The following VRK3 variants were observed in gnomAD, a reference collection of about 807,000 sequenced individuals.
The protein encoded by VRK3 is VRK serine/threonine kinase 3, also known as serine/threonine-protein kinase VRK3.
Under a neutral mutation model 60.4 loss-of-function variants are expected in VRK3, and 50 were observed. That is an observed-to-expected ratio of 0.83 (90% confidence interval 0.66 to 1.05). The LOEUF is 1.05. Ranked by LOEUF, VRK3 falls within the 50% of genes least tolerant of loss-of-function variation. The pLI is 0.00. For synonymous variants in VRK3, 246 were observed against 227.8 expected, an observed-to-expected ratio of 1.08 and a Z score of -0.72; for missense variants, 549 against 585.3, an observed-to-expected ratio of 0.94 and a Z score of 0.64.
intron 1 of VRK3, among the ~76,000 whole-genome samples, chr19:50,022,314 C>T (rs1719511588): frequency 6.6e-6 from 1 of 152,210 alleles, no homozygotes; most frequent in African/African-American, 2.4e-5. Context: ...ATGTGCCACC[C>T]CCGGTTCTGA....
At chr19:49,981,550 C>CAA (rs34334801) in intron 12 of VRK3, 52,425 of 448,138 alleles carry the variant, frequency 0.12, 3,588 homozygotes, top group East Asian at 0.34. Context: ...GTCTCAAAAA[C>CAA]AAAACAAAAC....
At chr19:50,014,362 C>G (rs574417670) in intron 3 of VRK3, among the ~76,000 whole-genome samples, 8 of 152,002 alleles carry the variant, frequency 5.3e-5, no homozygotes, top group African/African-American at 1.4e-4. Flanking sequence ...AATTTGAGAC[C>G]AGCCGGCCAA....
At chr19:49,995,787 C>T (rs181470356) in intron 7 of VRK3, among the ~76,000 whole-genome samples, 29 of 152,218 alleles carry the variant, frequency 1.9e-4, no homozygotes, top group African/African-American at 6.7e-4. Flanking sequence ...TTTGCTCTGT[C>T]GCCCTGGATG....
chr19:49,979,363 A>C lies in VRK3; in HGVS notation c.1277-121T>G, dbSNP rs1023966930. The C allele has an allele frequency of 1.3e-5, 18 of 1,393,772 alleles. No individual in the cohort carries two copies. The African/African-American group carries it at 2.5e-4, about 19-fold the overall frequency. The allele number at this position is 1,393,772 out of a possible 1,614,324, so 86.3% of individuals were successfully genotyped here. On this transcript the variant is annotated intron_variant, in intron 13 of 14. Transcript: ENST00000316763. ...CTGAGGGGCATGAGGGTCTCAGCAAAAGTGCCCATTTTCTTGTTGCCTGGC... is the reference window on the plus strand; with the variant it reads ...CTGAGGGGCATGAGGGTCTCAGCAACAGTGCCCATTTTCTTGTTGCCTGGC...
chr19:50,024,812 A>C (rs1433671446), intron 1 of VRK3: 1 of 152,254 alleles, frequency 6.6e-6, no homozygotes, highest in African/African-American at 2.4e-5. Context: ...GACTTATTCA[A>C]CAAATGTTTA....
At chr19:50,003,964 G>A (rs921894700) in intron 5 of VRK3, among the ~76,000 whole-genome samples, 1 of 152,244 alleles carries the variant, frequency 6.6e-6, no homozygotes, top group Non-Finnish European at 1.5e-5. Flanking sequence ...ACTTTGGGAG[G>A]CAGAGGCAGG....
At chr19:50,008,312 G>A (rs955636043) in intron 4 of VRK3, among the ~76,000 whole-genome samples, 4 of 152,020 alleles carry the variant, frequency 2.6e-5, no homozygotes, top group African/African-American at 9.7e-5. Context: ...CCAAAGCCCT[G>A]CCCTAGAAGG....
chr19:50,005,711 C>G (rs531525905), intron 5 of VRK3, among the ~76,000 whole-genome samples: 1 of 149,704 alleles, frequency 6.7e-6, no homozygotes, highest in Non-Finnish European at 1.5e-5. Context: ...GCGGCAGTGA[C>G]GCGCCACAGC....
intron 6 of VRK3, 102 bp downstream of exon 6, chr19:50,000,688 C>T: frequency 1.4e-6 from 2 of 1,405,634 alleles, no homozygotes; most frequent in Non-Finnish European, 2.0e-6. Flanking sequence ...GACCCTGGCC[C>T]CCGGCCGAGC....
rs1438353789 is a variant in VRK3 at position 50,009,346 on chromosome 19, G to C, written c.179C>G (p.Pro60Arg). 1 of 1,613,996 alleles carries C rather than the reference G, an allele frequency of 6.2e-7. No homozygotes were observed. Among genetic ancestry groups the C allele is most frequent in the Non-Finnish European group, 8.5e-7 (1 of 1,179,986 alleles). The change falls in exon 4 of 15, where the codon CCT becomes CGT. Residue 60 changes from proline (P) to arginine (R), a missense_variant. Pro to Arg is a moderately radical substitution (Grantham distance 103). Transcript: ENST00000316763. The part of the protein sequence containing the change: ...RGLNSSFETS[P>R]KKVKWSSTVT... ...GGTGCTGGACCATTTCACTTTCTTA[G>C]GAGAGGTTTCAAAACTGGAGTTCAG...
chr19:50,007,017 C>T (rs1263709739), intron 5 of VRK3, among the ~76,000 whole-genome samples: 2 of 152,152 alleles, frequency 1.3e-5, no homozygotes, highest in African/African-American at 4.8e-5. Flanking sequence ...CAGCCCCACC[C>T]CCAAGCACGA....
intron 3 of VRK3, among the ~76,000 whole-genome samples, chr19:50,014,590 A>G (rs1347134031): frequency 6.6e-6 from 1 of 150,606 alleles, no homozygotes; most frequent in Non-Finnish European, 1.5e-5. Flanking sequence ...AACAAAAACA[A>G]CTAAAAACAA....
chr19:50,011,013 T>C (rs1019186009), intron 3 of VRK3, among the ~76,000 whole-genome samples: 2 of 152,178 alleles, frequency 1.3e-5, no homozygotes, highest in Non-Finnish European at 2.9e-5. Flanking sequence ...GCGACAAATG[T>C]CTCCACCAAT....
chr19:50,021,502 T>G (rs1470347481), intron 1 of VRK3, among the ~76,000 whole-genome samples: 1 of 152,170 alleles, frequency 6.6e-6, no homozygotes, highest in Non-Finnish European at 1.5e-5. Context: ...ATGGAGAGGC[T>G]CAGGTGGAGA....
At chr19:50,000,709 G>T in intron 6 of VRK3, 81 bp downstream of exon 6, 1 of 1,503,854 alleles carries the variant, frequency 6.6e-7, no homozygotes, top group Non-Finnish European at 9.1e-7. Context: ...TCTCCCAGCT[G>T]ACAGACGGGC....
At chr19:49,984,166 G>A (rs2037954652) in intron 12 of VRK3, among the ~76,000 whole-genome samples, 1 of 152,162 alleles carries the variant, frequency 6.6e-6, no homozygotes, top group South Asian at 2.1e-4. Flanking sequence ...GTGGGGAGAA[G>A]ACTCAACCGA....
At chr19:50,000,429 G>A in intron 6 of VRK3, 1 of 307,394 alleles carries the variant, frequency 3.3e-6, no homozygotes, top group East Asian at 9.0e-5. Flanking sequence ...ATACACAGTA[G>A]GTGCTCGATA....
chr19:49,979,082 C>A lies in VRK3; in HGVS notation c.*11+1G>T, dbSNP rs1326603205. The stretch of plus-strand genomic sequence containing the variant: ...GCTTAAGCCTCACAAGCTCTTCCCA[C>A]CTGGATTCCACCTAGGGCACCATCG... On this transcript the variant is annotated splice_donor_variant, in intron 14 of 14. Transcript: ENST00000316763. LOFTEE classifies it low-confidence loss of function (3UTR_SPLICE). 2 of 1,597,170 alleles carry A rather than the reference C, an allele frequency of 1.3e-6. No homozygotes were observed. Among genetic ancestry groups the A allele is most frequent in the Non-Finnish European group, 1.7e-6 (2 of 1,169,634 alleles).
intron 12 of VRK3, chr19:49,981,730 A>G (rs993129280): frequency 3.0e-6 from 3 of 1,006,406 alleles, no homozygotes; most frequent in Non-Finnish European, 3.6e-6. Flanking sequence ...TATTACTTAC[A>G]GGTCCTGGGG....
Sources: gnomAD v4.1 joint callset for allele counts (sites outside exome capture counted in the v4.1 genomes callset) on GRCh38, gnomAD v4.1.1 for gene constraint, MANE v1.5 for transcripts, NCBI Gene and HGNC (gene_info 2026-07-23, HGNC 2026-07-21) for gene names.